The following PPM1L variants were observed in gnomAD, a reference collection of about 807,000 sequenced individuals.
PPM1L encodes the protein protein phosphatase 1L.
PPM1L carries 13 observed loss-of-function variants against 31.4 expected under a neutral mutation model. That is an observed-to-expected ratio of 0.41 (90% confidence interval 0.27 to 0.66). The LOEUF is 0.66. PPM1L is among the 30% of genes least tolerant of loss of function. The pLI is 0.29. For synonymous variants in PPM1L, 184 were observed against 175.4 expected, an observed-to-expected ratio of 1.05 and a Z score of -0.39; for missense variants, 326 against 453.7, an observed-to-expected ratio of 0.72 and a Z score of 2.56.
intron 2 of PPM1L, among the ~76,000 whole-genome samples, chr3:161,004,164 C>T (rs1717615457): frequency 6.8e-6 from 1 of 146,246 alleles, no homozygotes; most frequent in African/African-American, 2.6e-5. Flanking sequence ...GTATATTGAA[C>T]CAGCCTTGCA....
At chr3:160,999,531 C>T (rs1559918691) in intron 2 of PPM1L, among the ~76,000 whole-genome samples, 1 of 152,172 alleles carries the variant, frequency 6.6e-6, no homozygotes, top group Non-Finnish European at 1.5e-5. Flanking sequence ...GTTTTCTTTC[C>T]AGCATTCTTA....
At chr3:160,821,610 A>G (rs1021238250) in intron 1 of PPM1L, among the ~76,000 whole-genome samples, 3 of 152,100 alleles carry the variant, frequency 2.0e-5, no homozygotes, top group African/African-American at 7.2e-5. Context: ...TTTTGGGAGT[A>G]AATTTTGGTT....
chr3:161,078,797 G>A lies in PPM1L; in HGVS notation c.*9640G>A, dbSNP rs530671135. ...GAATTAGCCTTGTAGAGACTAATGT[G>A]TTCATGCTATCTCTGATCCTGTGGT... On this transcript the variant is annotated 3_prime_UTR_variant, in exon 4 of 4. Transcript: ENST00000498165. 6.6e-6 allele frequency: 1 copy of A among 152,294 alleles called. No homozygotes were observed. The highest frequency in any genetic ancestry group is 1.5e-5 in the Non-Finnish European group (1 of 68,032). 9.4% of individuals were successfully genotyped at this position (152,294 alleles called of 1,614,324 possible). A position where few individuals can be genotyped will look rare whatever the true frequency, so the allele number is the denominator to read the frequency against.
chr3:161,068,108 G>T (rs1208357409), intron 3 of PPM1L, among the ~76,000 whole-genome samples: 1 of 152,154 alleles, frequency 6.6e-6, no homozygotes, highest in East Asian at 1.9e-4. Context: ...AGATACAATT[G>T]TTAAGTGCAT....
intron 1 of PPM1L, among the ~76,000 whole-genome samples, chr3:160,882,582 T>C (rs1022549294): frequency 6.6e-6 from 1 of 152,208 alleles, no homozygotes; most frequent in Admixed American, 6.5e-5. Flanking sequence ...TATGACCTCA[T>C]CTTCACTTAA....
At chr3:160,911,917 G>A (rs1004188459) in intron 1 of PPM1L, among the ~76,000 whole-genome samples, 18 of 152,200 alleles carry the variant, frequency 1.2e-4, no homozygotes, top group African/African-American at 4.3e-4. Context: ...GAGGAGGAGT[G>A]TTGAACCCTG....
intron 1 of PPM1L, among the ~76,000 whole-genome samples, chr3:160,839,758 G>A (rs548426426): frequency 3.3e-5 from 5 of 152,244 alleles, no homozygotes; most frequent in South Asian, 2.1e-4. Flanking sequence ...GTGAAATTTC[G>A]AATCTCTTTG....
At chr3:160,890,754 G>C (rs1713109937) in intron 1 of PPM1L, among the ~76,000 whole-genome samples, 1 of 152,122 alleles carries the variant, frequency 6.6e-6, no homozygotes, top group African/African-American at 2.4e-5. Flanking sequence ...AACAAAAACA[G>C]CATGGTACTG....
chr3:160,949,992 C>T (rs1390340540), intron 1 of PPM1L, among the ~76,000 whole-genome samples: 2 of 151,974 alleles, frequency 1.3e-5, no homozygotes, highest in African/African-American at 4.8e-5. Flanking sequence ...AGGTTAGCCT[C>T]AAATAAGCTT....
chr3:160,832,469 T>C (rs928747890), intron 1 of PPM1L, among the ~76,000 whole-genome samples: 3 of 152,124 alleles, frequency 2.0e-5, no homozygotes, highest in Non-Finnish European at 2.9e-5. Context: ...GTATTTGGGA[T>C]TGTACAGGTG....
intron 1 of PPM1L, among the ~76,000 whole-genome samples, chr3:160,868,012 A>C (rs1712155493): frequency 6.6e-6 from 1 of 152,218 alleles, no homozygotes; most frequent in East Asian, 1.9e-4. Context: ...GCTGGTCTGC[A>C]AAAAGGTGAT....
chr3:160,996,392 A>G (rs541741440), intron 2 of PPM1L, among the ~76,000 whole-genome samples: 11 of 152,190 alleles, frequency 7.2e-5, no homozygotes, highest in Non-Finnish European at 1.6e-4. Flanking sequence ...ACCCACCCAA[A>G]TGTCCATCAT....
intron 1 of PPM1L, among the ~76,000 whole-genome samples, chr3:160,855,199 C>T (rs1489766428): frequency 1.8e-4 from 27 of 152,150 alleles, no homozygotes; most frequent in Admixed American, 1.8e-3. Context: ...TGGACCCCTT[C>T]CTTTCACTAT....
chr3:161,045,659 A>G (rs572085791), intron 2 of PPM1L, among the ~76,000 whole-genome samples: 1 of 152,238 alleles, frequency 6.6e-6, no homozygotes, highest in African/African-American at 2.4e-5. Flanking sequence ...AATGCCCACA[A>G]GGGAAAGCAG....
At chr3:160,771,543 CTTTTTTT>C (rs745978148) in intron 1 of PPM1L, among the ~76,000 whole-genome samples, 4 of 77,398 alleles carry the variant, frequency 5.2e-5, no homozygotes, top group East Asian at 9.0e-4. Context: ...AAGGCTGGCT[CTTTTTTT>C]TTTTTTTTTT....
chr3:160,801,126 GAT>G (rs1291176955), intron 1 of PPM1L, among the ~76,000 whole-genome samples: 53 of 112,596 alleles, frequency 4.7e-4, no homozygotes, highest in African/African-American at 2.2e-3. Context: ...AATGTTTAGT[GAT>G]ACACACACAC....
chr3:160,869,130 T>C (rs1712206035), intron 1 of PPM1L, among the ~76,000 whole-genome samples: 1 of 152,206 alleles, frequency 6.6e-6, no homozygotes, highest in Admixed American at 6.5e-5. Context: ...TGCACGATGA[T>C]ATTAAATTCA....
chr3:160,920,664 C>T (rs1026779701), intron 1 of PPM1L, among the ~76,000 whole-genome samples: 4 of 140,080 alleles, frequency 2.9e-5, no homozygotes, highest in African/African-American at 1.1e-4. Context: ...CACACACACA[C>T]ACATATTAAA....
At chr3:161,013,644 A>G (rs1275414458) in intron 2 of PPM1L, among the ~76,000 whole-genome samples, 1 of 152,012 alleles carries the variant, frequency 6.6e-6, no homozygotes, top group Non-Finnish European at 1.5e-5. Context: ...TCCCATTATT[A>G]TTGTGTGGGA....
Sources: gnomAD v4.1 joint callset for allele counts (sites outside exome capture counted in the v4.1 genomes callset) on GRCh38, gnomAD v4.1.1 for gene constraint, MANE v1.5 for transcripts, NCBI Gene and HGNC (gene_info 2026-07-23, HGNC 2026-07-21) for gene names.